RBFOX1: variants seen among roughly 807,000 people sequenced by gnomAD.
RBFOX1 encodes RNA binding protein fox-1 homolog 1.
Under a neutral mutation model 57.7 loss-of-function variants are expected in RBFOX1, and 8 were observed. That is an observed-to-expected ratio of 0.14 (90% CI 0.08 to 0.25). The LOEUF (loss-of-function observed/expected upper bound fraction) is 0.25. Among genes scored for constraint, RBFOX1 ranks in the 10% least tolerant of loss-of-function variants. The pLI, the probability that RBFOX1 is intolerant of heterozygous loss-of-function variation, is 1.00. For missense variants in RBFOX1, 611 were observed against 548.5 expected (o/e 1.11, Z -1.14); for synonymous variants, 326 against 222.4 (o/e 1.47, Z -4.15).
chr16:5,447,378 A>ATCAATCTCTCTCTCTC (rs143837516), intron 1 of RBFOX1, among the ~76,000 whole-genome samples: 2 of 134,360 alleles, frequency 1.5e-5, no homozygotes, highest in South Asian at 2.5e-4. Context: ...CAATCAATCA[A>ATCAATCTCTCTCTCTC]TCTCTCTCTC....
At chr16:5,677,389 C>A (rs1229638955) in intron 3 of RBFOX1, among the ~76,000 whole-genome samples, 1 of 152,124 alleles carries the variant, frequency 6.6e-6, no homozygotes, top group African/African-American at 2.4e-5. Flanking sequence ...TCAAAGAATT[C>A]TTAGGGGAAA....
chr16:6,018,992 G>A, upstream of RBFOX1: 1 of 751,024 alleles, frequency 1.3e-6, no homozygotes, highest in Non-Finnish European at 1.6e-6. Context: ...CGCTGGCGAG[G>A]GGAAGGGGGA....
At chr16:7,043,358 C>T (rs556994370) in intron 3 of RBFOX1, among the ~76,000 whole-genome samples, 1 of 152,244 alleles carries the variant, frequency 6.6e-6, no homozygotes, top group Non-Finnish European at 1.5e-5. Flanking sequence ...TACAATGTGT[C>T]ATTTAGATAC....
At chr16:7,145,574 A>G (rs1382995973) in intron 4 of RBFOX1, among the ~76,000 whole-genome samples, 1 of 151,770 alleles carries the variant, frequency 6.6e-6, no homozygotes, top group Non-Finnish European at 1.5e-5. Flanking sequence ...TCATATGATG[A>G]TCTATATGCA....
At chr16:7,279,565 A>G (rs897872956) in intron 4 of RBFOX1, among the ~76,000 whole-genome samples, 7 of 152,130 alleles carry the variant, frequency 4.6e-5, no homozygotes, top group Non-Finnish European at 1.0e-4. Context: ...GGCTGATACT[A>G]TATTATAGCC....
At chr16:5,508,608 C>T (rs1326524741) in intron 2 of RBFOX1, among the ~76,000 whole-genome samples, 1 of 152,022 alleles carries the variant, frequency 6.6e-6, no homozygotes, top group Non-Finnish European at 1.5e-5. Context: ...GAGTGCCACA[C>T]CCAAGATGTT....
chr16:5,288,637 T>TC (rs1481072997), intron 1 of RBFOX1, among the ~76,000 whole-genome samples: 2 of 146,986 alleles, frequency 1.4e-5, no homozygotes, highest in Admixed American at 6.7e-5. Context: ...CTTTTCTTTT[T>TC]TTTTTTAACT....
intron 2 of RBFOX1, among the ~76,000 whole-genome samples, chr16:6,559,134 T>C (rs1254952354): frequency 1.3e-5 from 2 of 151,014 alleles, no homozygotes; most frequent in Non-Finnish European, 3.0e-5. Flanking sequence ...TGTGTGTGTG[T>C]ATATACATAT....
In RBFOX1 at chr16:6,667,310, C is replaced by G. The variant is rs543069613; in HGVS notation, c.-16+12660C>G. Among the ~76,000 whole-genome samples, 4 of 152,176 alleles carry G rather than the reference C, an allele frequency of 2.6e-5. No homozygotes were observed. The South Asian group carries it at 8.3e-4, about 32-fold the overall frequency. On this transcript the variant is annotated intron_variant, in intron 3 of 15. Coordinates refer to ENST00000550418, the MANE Select transcript of RBFOX1 (RefSeq NM_018723.4). The stretch of plus-strand genomic sequence containing the variant: ...CACTGAGGTAGATCGGGCTATTGGT[C>G]TCATACACCTTCAGTCACCCTTGAA...
chr16:7,418,517 T>C (rs191757048), intron 4 of RBFOX1, among the ~76,000 whole-genome samples: 2 of 152,360 alleles, frequency 1.3e-5, no homozygotes, highest in East Asian at 1.9e-4. Context: ...ATTTCTGTTT[T>C]CCTGATGGCT....
At chr16:7,474,959 G>A (rs923593802) in intron 4 of RBFOX1, among the ~76,000 whole-genome samples, 2 of 152,140 alleles carry the variant, frequency 1.3e-5, no homozygotes, top group African/African-American at 4.8e-5. Context: ...ATGCAGAGCC[G>A]CCATCTTTCC....
chr16:7,574,260 A>C (rs2093086921), intron 5 of RBFOX1, among the ~76,000 whole-genome samples: 1 of 152,212 alleles, frequency 6.6e-6, no homozygotes, highest in Non-Finnish European at 1.5e-5. Flanking sequence ...GGAAGACTTA[A>C]GTGTTCTCTT....
intron 2 of RBFOX1, among the ~76,000 whole-genome samples, chr16:6,390,565 G>C (rs549928368): frequency 6.6e-6 from 1 of 150,582 alleles, no homozygotes; most frequent in East Asian, 1.9e-4. Context: ...AAAAAAAAAA[G>C]CATGGAAGAA....
At chr16:5,346,498 A>G (rs1036488620) in intron 1 of RBFOX1, among the ~76,000 whole-genome samples, 1 of 152,180 alleles carries the variant, frequency 6.6e-6, no homozygotes, top group African/African-American at 2.4e-5. Context: ...TGCTTTGCGG[A>G]GAGAGAGAAC....
At position 6,512,419 on chromosome 16, in the gene RBFOX1, T is replaced by C. The variant is rs563340570; in HGVS notation, c.-63-142184T>C. ...GCCTCGGGTAGGATAGGGAATGCGTTGCATTCAGGCCTTGGACATGTTTTT... is the reference window on the plus strand; with the variant it reads ...GCCTCGGGTAGGATAGGGAATGCGTCGCATTCAGGCCTTGGACATGTTTTT... On this transcript the variant is annotated intron_variant, in intron 2 of 15. Transcript: ENST00000550418. Among the ~76,000 whole-genome samples the C allele has an allele frequency of 3.3e-5, 5 of 152,246 alleles. No individual in the cohort carries two copies. The East Asian group carries it at 5.8e-4, about 18-fold the overall frequency.
In RBFOX1 at chr16:5,544,847, T is replaced by A. The variant is rs113020319; in HGVS notation, c.259-54055T>A. Among the ~76,000 whole-genome samples the A allele has an allele frequency of 6.9e-3, 1,045 of 151,796 alleles. 18 individuals are homozygous for A. Among genetic ancestry groups the A allele is most frequent in the African/African-American group, 0.023 (962 of 41,352 alleles). Reference sequence around the variant, plus strand: ...AAACTGCTAAAGCTAATTTAAGAACTAGGTAACCGTATTAACCCTATATCA... The same window carrying A: ...AAACTGCTAAAGCTAATTTAAGAACAAGGTAACCGTATTAACCCTATATCA... On this transcript the variant is annotated intron_variant, in intron 2 of 2. Coordinates refer to the RBFOX1 transcript ENST00000585867.
At chr16:6,973,978 C>G (rs1219556660) in intron 3 of RBFOX1, among the ~76,000 whole-genome samples, 1 of 152,112 alleles carries the variant, frequency 6.6e-6, no homozygotes, top group African/African-American at 2.4e-5. Context: ...CTCCCTGTGT[C>G]CATGTGTTCT....
chr16:7,488,786 A>G (rs1348176571), intron 4 of RBFOX1, among the ~76,000 whole-genome samples: 3 of 152,134 alleles, frequency 2.0e-5, no homozygotes, highest in Admixed American at 6.6e-5. Context: ...ACATCTATCT[A>G]TACATATCCA....
At chr16:7,667,259 T>C (rs1277411241) in intron 13 of RBFOX1, among the ~76,000 whole-genome samples, 2 of 152,200 alleles carry the variant, frequency 1.3e-5, no homozygotes, top group Admixed American at 6.5e-5. Context: ...GTGTGTATAC[T>C]GGACAGCAGG....
Sources: allele counts gnomAD v4.1 joint callset (sites outside exome capture counted in the v4.1 genomes callset), GRCh38; gene constraint gnomAD v4.1.1; transcripts MANE v1.5; gene names NCBI Gene and HGNC (gene_info 2026-07-23, HGNC 2026-07-21).